Variants in PLXNA4 observed in about 807,000 individuals in gnomAD.
PLXNA4 encodes plexin A4, also known as plexin-A4.
Under a neutral mutation model 191.8 loss-of-function variants are expected in PLXNA4, and 44 were observed. The ratio of observed to expected loss-of-function variants is 0.23; its 90% CI spans 0.18 to 0.29. The LOEUF (loss-of-function observed/expected upper bound fraction) is 0.29, where lower values mean the gene tolerates loss of function less well. Ranked by LOEUF, PLXNA4 falls within the 10% of genes least tolerant of loss-of-function variation. The probability of loss-of-function intolerance (pLI) is 1.00; values close to 1 mark genes in which losing one functional copy is unlikely to be tolerated. For missense variants in PLXNA4, 1,800 were observed against 2,488.8 expected (o/e 0.72, Z 5.89); for synonymous variants, 1,082 against 1,009.5 (o/e 1.07, Z -1.36).
rs559455021 is a variant in PLXNA4, at chr7:132,446,604, CA to C, written c.1371+42687del. ...AGAAGTGAAACTTAACTTTATAAAC[CA>C]GACACTAAGATGCATCTTTTAAACA... is the stretch of plus-strand genomic sequence containing the variant. On this transcript the variant is annotated intron_variant, in intron 3 of 31. Coordinates refer to ENST00000321063, the MANE Select transcript of PLXNA4 (RefSeq NM_020911.2). 2.2e-4 allele frequency among the ~76,000 whole-genome samples: 34 copies of C among 152,308 alleles called. 2 individuals carry two copies. In the South Asian group the frequency reaches 6.8e-3, roughly 31 times the overall value.
At chr7:132,450,446 C>T (rs1563105895) in intron 3 of PLXNA4, among the ~76,000 whole-genome samples, 1 of 152,162 alleles carries the variant, frequency 6.6e-6, no homozygotes, top group Non-Finnish European at 1.5e-5. Context: ...AGAACCAATA[C>T]CGTAAATGCC....
intron 3 of PLXNA4, among the ~76,000 whole-genome samples, chr7:132,419,482 C>T (rs1172782333): frequency 1.3e-5 from 2 of 152,172 alleles, no homozygotes; most frequent in African/African-American, 2.4e-5. Flanking sequence ...TAATTCAGCT[C>T]ATGACTGAGA....
At chr7:132,292,888 A>C (rs1584953200) in intron 4 of PLXNA4, among the ~76,000 whole-genome samples, 1 of 152,174 alleles carries the variant, frequency 6.6e-6, no homozygotes. Flanking sequence ...TTGAGCAAAA[A>C]CCACAGGCAT....
chr7:132,517,022 T>TCTAGCTGTCCCA (rs1798969028), intron 1 of PLXNA4, among the ~76,000 whole-genome samples: 2 of 152,286 alleles, frequency 1.3e-5, no homozygotes, highest in South Asian at 4.1e-4. Context: ...TAGAGGCCCC[T>TCTAGCTGTCCCA]CTAGCTGTCC....
intron 1 of PLXNA4, among the ~76,000 whole-genome samples, chr7:132,509,549 T>C (rs156675): frequency 0.41 from 62,234 of 152,036 alleles, 12,994 homozygotes; most frequent in African/African-American, 0.47. Context: ...GTAACTTGCA[T>C]AGCTATAAGT....
intron 1 of PLXNA4, among the ~76,000 whole-genome samples, chr7:132,513,057 T>A (rs1196295711): frequency 6.6e-6 from 1 of 152,212 alleles, no homozygotes; most frequent in Admixed American, 6.5e-5. Flanking sequence ...GCTACAGTTT[T>A]CCCTTCTTTG....
At chr7:132,450,394 G>A (rs1351462612) in intron 3 of PLXNA4, among the ~76,000 whole-genome samples, 3 of 152,300 alleles carry the variant, frequency 2.0e-5, no homozygotes, top group African/African-American at 4.8e-5. Context: ...AGAGGTAGGC[G>A]GGACACGTGA....
intron 3 of PLXNA4, among the ~76,000 whole-genome samples, chr7:132,333,201 G>A (rs931970055): frequency 2.0e-5 from 3 of 152,214 alleles, no homozygotes; most frequent in Admixed American, 2.0e-4. Context: ...TTGCCCTGCA[G>A]CGGCCATCCC....
intron 4 of PLXNA4, among the ~76,000 whole-genome samples, chr7:132,248,029 G>A (rs1294147425): frequency 4.6e-5 from 7 of 152,196 alleles, no homozygotes; most frequent in Admixed American, 1.3e-4. Context: ...GACAAGTGGT[G>A]TGTACTTCCC....
intron 3 of PLXNA4, among the ~76,000 whole-genome samples, chr7:132,379,408 G>A (rs1019350870): frequency 5.3e-5 from 8 of 152,170 alleles, no homozygotes; most frequent in African/African-American, 1.7e-4. Context: ...AAAACCCCTG[G>A]AGGAGGGAAA....
Position 132,508,440 on chromosome 7 carries a change from T to C in PLXNA4, c.254A>G (p.Glu85Gly). ...SSDLKVLVTH[E>G]TGPDEDNPKC... ...GGGGTTGTCCTCGTCCGGCCCTGTC[T>C]CATGCGTCACCAAGACCTTCAGGTC... The change falls in exon 2 of 32, where the codon GAG becomes GGG. Residue 85 changes from glutamate to glycine, a missense_variant. Transcript: ENST00000321063. This position sits in a 1 kb window ranked among gnomAD's most constrained non-coding sequence, Gnocchi z 4.4. 1 of 1,614,220 alleles carries C rather than the reference T, an allele frequency of 6.2e-7. No homozygotes were observed. Among genetic ancestry groups the C allele is most frequent in the Non-Finnish European group, 8.5e-7 (1 of 1,180,034 alleles).
At chr7:132,505,366 C>T (rs566597994) in intron 2 of PLXNA4, among the ~76,000 whole-genome samples, 12 of 152,282 alleles carry the variant, frequency 7.9e-5, no homozygotes, top group East Asian at 1.9e-4. Context: ...GCCAGACGGA[C>T]GCCTGCAGCT....
chr7:132,251,906 G>T (rs569880861), intron 4 of PLXNA4, among the ~76,000 whole-genome samples: 1 of 152,342 alleles, frequency 6.6e-6, no homozygotes, highest in African/African-American at 2.4e-5. Flanking sequence ...TCTGGGAAAA[G>T]TTATGGTGCT....
At chr7:132,169,024 G>T (rs1389087880) in intron 21 of PLXNA4, among the ~76,000 whole-genome samples, 8 of 152,192 alleles carry the variant, frequency 5.3e-5, no homozygotes, top group African/African-American at 1.9e-4. Context: ...AGCCCTAGGG[G>T]TGCTGTTGAT....
At chr7:132,615,946 T>A (rs1253765655) in intron 2 of PLXNA4, among the ~76,000 whole-genome samples, 2 of 150,116 alleles carry the variant, frequency 1.3e-5, no homozygotes, top group African/African-American at 4.9e-5. Context: ...TCTCTCTCTC[T>A]CTCTCTCTCT....
At chr7:132,360,791 C>T (rs1399116903) in intron 3 of PLXNA4, among the ~76,000 whole-genome samples, 1 of 152,176 alleles carries the variant, frequency 6.6e-6, no homozygotes, top group Non-Finnish European at 1.5e-5. Flanking sequence ...CTGGCTTTAG[C>T]ATGCCCAGTC....
chr7:132,452,931 G>A (rs945710211), intron 3 of PLXNA4, among the ~76,000 whole-genome samples: 1 of 152,176 alleles, frequency 6.6e-6, no homozygotes, highest in African/African-American at 2.4e-5. Flanking sequence ...TGGGGTAGAG[G>A]CGGGAACCTG....
Position 132,181,556 on chromosome 7 carries a change from T to G in PLXNA4, c.3317A>C (p.Asp1106Ala), listed in dbSNP as rs1394137246. The G allele has an allele frequency of 6.2e-7, 1 of 1,614,000 alleles. No homozygotes were observed. The highest frequency in any genetic ancestry group is 8.5e-7 in the Non-Finnish European group (1 of 1,179,994). ...CCTCTCGGTCAGGTCTGACTGGTGG[T>G]CAGGACCCAGAGCGAGGGCGGGCGC... ...CQAPALALGP[D>A]HQSDLTERPE... The change falls in exon 18 of 32, where the codon GAC becomes GCC. Residue 1106 changes from aspartate (D) to alanine (A), a missense_variant. Physicochemically the swap from Asp to Ala is moderately radical, Grantham distance 126 (BLOSUM62 -2). This residue lies in a region of PLXNA4 where 1,397 missense variants were observed against 1,880.4 expected (regional missense o/e 0.74). Transcript: ENST00000321063.
intron 2 of PLXNA4, among the ~76,000 whole-genome samples, chr7:132,640,565 C>T (rs1198963111): frequency 6.6e-6 from 1 of 152,198 alleles, no homozygotes; most frequent in African/African-American, 2.4e-5. Context: ...CAGCCATCTG[C>T]AAGCAAGAAA....
Sources: allele counts gnomAD v4.1 joint callset (sites outside exome capture counted in the v4.1 genomes callset), GRCh38; gene constraint gnomAD v4.1.1; regional missense constraint gnomAD v4.1.1; non-coding constraint Gnocchi (gnomAD v3.1); transcripts MANE v1.5; gene names NCBI Gene and HGNC (gene_info 2026-07-23, HGNC 2026-07-21).